BNC2: variants seen among roughly 807,000 people sequenced by gnomAD.
BNC2 encodes the protein zinc finger protein basonuclin-2.
A neutral mutation model predicts 76.3 loss-of-function variants in BNC2; 20 were observed. The observed-to-expected ratio is 0.26, with a 90% CI of 0.18 to 0.38. The LOEUF (loss-of-function observed/expected upper bound fraction) is 0.38, where lower values mean the gene tolerates loss of function less well. Ranked by LOEUF, BNC2 falls within the 10% of genes least tolerant of loss-of-function variation. The probability of loss-of-function intolerance (pLI) is 1.00; values close to 1 mark genes in which losing one functional copy is unlikely to be tolerated. For synonymous variants in BNC2, 582 were observed against 514.8 expected (o/e 1.13, Z -1.77); for missense variants, 1,382 against 1,399.8 (o/e 0.99, Z 0.20).
chr9:16,643,383 A>C (rs1274864655), intron 3 of BNC2, among the ~76,000 whole-genome samples: 1 of 151,962 alleles, frequency 6.6e-6, no homozygotes, highest in Non-Finnish European at 1.5e-5. Flanking sequence ...ATCTACTCAC[A>C]GAATAATTTT....
At chr9:16,597,251 T>A (rs1405184875) in intron 3 of BNC2, among the ~76,000 whole-genome samples, 1 of 152,192 alleles carries the variant, frequency 6.6e-6, no homozygotes, top group South Asian at 2.1e-4. Context: ...AGAGCCTTAC[T>A]GGTGCTCTCT....
intron 3 of BNC2, chr9:16,685,660 T>TA: frequency 7.8e-7 from 1 of 1,285,974 alleles, no homozygotes; most frequent in Non-Finnish European, 1.0e-6. Flanking sequence ...AGATGCTGTG[T>TA]ATGGAGGCTG....
At chr9:16,572,458 T>C (rs1198474449) in intron 4 of BNC2, among the ~76,000 whole-genome samples, 1 of 152,130 alleles carries the variant, frequency 6.6e-6, no homozygotes, top group Non-Finnish European at 1.5e-5. Context: ...GACTTTTCCA[T>C]AAGCTTAGAG....
Position 16,620,352 on chromosome 9 carries a change from A to C in BNC2, c.331-37267T>G, listed in dbSNP as rs185887965. Among the ~76,000 whole-genome samples the C allele has an allele frequency of 2.6e-5, 4 of 152,326 alleles. No homozygotes were observed. In the East Asian group the frequency reaches 5.8e-4, roughly 22 times the overall value. On this transcript the variant is annotated intron_variant, in intron 3 of 6. Transcript: ENST00000380672. The stretch of plus-strand genomic sequence containing the variant: ...CTGTATTAAACTCTCTTACTGACTG[A>C]CAAAGAGGCAACAGCTAACGGACTT...
At chr9:16,490,897 G>A (rs1352625281) in intron 5 of BNC2, among the ~76,000 whole-genome samples, 1 of 152,170 alleles carries the variant, frequency 6.6e-6, no homozygotes, top group Non-Finnish European at 1.5e-5. Context: ...AAGGTTTGCG[G>A]AGGAGTGTTC....
chr9:16,608,198 A>T (rs988168871), intron 3 of BNC2, among the ~76,000 whole-genome samples: 35 of 152,236 alleles, frequency 2.3e-4, no homozygotes, highest in African/African-American at 8.2e-4. Context: ...TTTTTAAGTT[A>T]TTTATTTTCC....
At chr9:16,444,963 T>G (rs1299043457) in intron 5 of BNC2, among the ~76,000 whole-genome samples, 5 of 152,172 alleles carry the variant, frequency 3.3e-5, no homozygotes, top group African/African-American at 1.2e-4. Context: ...TAGATTATGT[T>G]TATCTCTCTA....
At chr9:16,667,464 T>C (rs1314355788) in intron 3 of BNC2, among the ~76,000 whole-genome samples, 1 of 152,206 alleles carries the variant, frequency 6.6e-6, no homozygotes, top group Non-Finnish European at 1.5e-5. Context: ...AGTGGGACTC[T>C]CCACTTAGTG....
intron 4 of BNC2, among the ~76,000 whole-genome samples, chr9:16,559,427 A>G (rs1373276361): frequency 6.6e-6 from 1 of 152,216 alleles, no homozygotes; most frequent in Non-Finnish European, 1.5e-5. Context: ...CCTTCAATTA[A>G]AAAGCATACA....
chr9:16,736,014 A>C (rs1341587340), intron 2 of BNC2, among the ~76,000 whole-genome samples: 3 of 151,714 alleles, frequency 2.0e-5, no homozygotes, highest in African/African-American at 7.2e-5. Flanking sequence ...CGGGTGGATC[A>C]CTTGAGGACA....
chr9:16,731,476 T>G (rs3850446), intron 2 of BNC2, among the ~76,000 whole-genome samples: 137,432 of 152,134 alleles, frequency 0.9, 62,124 homozygotes, highest in Non-Finnish European at 0.92. Context: ...GAAATATACT[T>G]ACACAAAGTA....
chr9:16,723,954 A>G (rs1438323278), intron 3 of BNC2, among the ~76,000 whole-genome samples: 1 of 152,138 alleles, frequency 6.6e-6, no homozygotes, highest in Non-Finnish European at 1.5e-5. Context: ...TTCTTTAATA[A>G]GACACAGTTT....
intron 5 of BNC2, among the ~76,000 whole-genome samples, chr9:16,523,862 A>G (rs991824972): frequency 5.3e-5 from 8 of 152,052 alleles, no homozygotes; most frequent in African/African-American, 1.9e-4. Context: ...GGAGGCAGAG[A>G]TTGCAGTGAA....
intron 3 of BNC2, chr9:16,704,691 T>TGAAA (rs1169280401): frequency 8.1e-6 from 1 of 124,080 alleles, no homozygotes; most frequent in African/African-American, 3.0e-5. Flanking sequence ...TTTTTTTTTT[T>TGAAA]AAAAAAAAAA....
intron 3 of BNC2, among the ~76,000 whole-genome samples, chr9:16,696,596 A>G (rs2134497623): frequency 6.6e-6 from 1 of 152,310 alleles, no homozygotes; most frequent in African/African-American, 2.4e-5. Context: ...CTTAGGATCA[A>G]GAACTAACTT....
chr9:16,678,147 G>T (rs911292368), intron 3 of BNC2, among the ~76,000 whole-genome samples: 1 of 151,706 alleles, frequency 6.6e-6, no homozygotes, highest in Non-Finnish European at 1.5e-5. Context: ...GAATAAGAAA[G>T]GCAGTAAGGT....
intron 3 of BNC2, among the ~76,000 whole-genome samples, chr9:16,666,881 C>T (rs1342345815): frequency 6.6e-6 from 1 of 151,990 alleles, no homozygotes; most frequent in Non-Finnish European, 1.5e-5. Context: ...ATTTTGTTTG[C>T]CTGACATATT....
chr9:16,753,452 A>G (rs1825280508), intron 1 of BNC2, among the ~76,000 whole-genome samples: 1 of 152,230 alleles, frequency 6.6e-6, no homozygotes, highest in Admixed American at 6.5e-5. Context: ...AAATTACAAA[A>G]CTTATCATGC....
chr9:16,673,884 A>C (rs980048069), intron 3 of BNC2, among the ~76,000 whole-genome samples: 1 of 152,230 alleles, frequency 6.6e-6, no homozygotes, highest in African/African-American at 2.4e-5. Context: ...TACACTTAAA[A>C]AATGAAGTGA....
Sources: gnomAD v4.1 joint callset for allele counts (sites outside exome capture counted in the v4.1 genomes callset) on GRCh38, gnomAD v4.1.1 for gene constraint, MANE v1.5 for transcripts, NCBI Gene and HGNC (gene_info 2026-07-23, HGNC 2026-07-21) for gene names.